The following TNC variants were observed in gnomAD, a reference collection of about 807,000 sequenced individuals.
The protein encoded by TNC is tenascin.
TNC carries 109 observed loss-of-function variants against 202.4 expected under a neutral mutation model. The ratio of observed to expected loss-of-function variants is 0.54; its 90% CI spans 0.46 to 0.63. The LOEUF is 0.63. TNC is among the 30% of genes least tolerant of loss of function. The pLI is 0.00. For missense variants in TNC, 2,756 were observed against 2,833.3 expected, an observed-to-expected ratio of 0.97 and a Z score of 0.62; for synonymous variants, 1,007 against 1,089.7, an observed-to-expected ratio of 0.92 and a Z score of 1.50.
chr9:115,045,529 G>T (rs1472241644), intron 17 of TNC, among the ~76,000 whole-genome samples: 2 of 149,924 alleles, frequency 1.3e-5, no homozygotes, highest in Admixed American at 1.3e-4. Flanking sequence ...ACCACACCTG[G>T]CTAAGTTTTT....
rs761928891 is a variant in TNC at position 115,059,827 on chromosome 9, G to A, written c.4209C>T (p.Asp1403=). 2.5e-6 allele frequency: 4 copies of A among 1,614,116 alleles called. No individual in the cohort carries two copies. The Admixed American group carries it at 5.0e-5, about 20-fold the overall frequency. ...GCGTGGCAGCCTCGAGGCCCGGGATGTCCACAGCCCTGAGGCTGCCAGGCA... is the reference window on the plus strand; with the variant it reads ...GCGTGGCAGCCTCGAGGCCCGGGATATCCACAGCCCTGAGGCTGCCAGGCA... The part of the protein sequence containing the change: ...LTLPGSLRAV[D]IPGLEAATPY... Residue 1403 remains aspartate, a synonymous_variant, in exon 14 of 28, where the codon GAC becomes GAT. Coordinates refer to ENST00000350763, the MANE Select transcript of TNC (RefSeq NM_002160.4).
At chr9:115,043,066 A>C (rs989312847) in intron 17 of TNC, among the ~76,000 whole-genome samples, 5 of 152,144 alleles carry the variant, frequency 3.3e-5, no homozygotes, top group African/African-American at 4.8e-5. Context: ...TCTGCCTCCC[A>C]AAATACCTCC....
chr9:115,066,423 T>C (rs1832956584), intron 10 of TNC, among the ~76,000 whole-genome samples: 1 of 152,256 alleles, frequency 6.6e-6, no homozygotes, highest in Admixed American at 6.5e-5. Flanking sequence ...AAATGAGCCT[T>C]ATGTGTCCAT....
chr9:115,027,119 A>AAGG (rs543474801), intron 25 of TNC, among the ~76,000 whole-genome samples: 2 of 142,478 alleles, frequency 1.4e-5, no homozygotes, highest in African/African-American at 5.3e-5. Context: ...AGAAAGCAAA[A>AAGG]AAAAAAAAAA....
At chr9:115,031,811 T>C in intron 22 of TNC, 126 bp from the exon 23 acceptor site, 1 of 1,181,594 alleles carries the variant, frequency 8.5e-7, no homozygotes, top group Middle Eastern at 2.4e-4. Flanking sequence ...AAGAATTCAT[T>C]GAGTACCCAC....
chr9:115,055,009 A>G (rs546828032), intron 15 of TNC, among the ~76,000 whole-genome samples: 2 of 152,196 alleles, frequency 1.3e-5, no homozygotes, highest in Non-Finnish European at 2.9e-5. Flanking sequence ...CAGCATGCTC[A>G]GGGCACCTTT....
Position 115,064,040 on chromosome 9 carries a change from C to G in TNC, c.3516G>C (p.Val1172=), listed in dbSNP as rs1341031505. ...TGETPNLGEV[V]VAEVGWDALK... ...GGGCATCCCAGCCCACCTCGGCCAC[C>G]ACGACCTCTCCCAAATTGGGAGTTT... The change falls in exon 12 of 28, where the codon GTG becomes GTC. Residue 1172 remains valine (V), a synonymous_variant. Coordinates refer to ENST00000350763, the MANE Select transcript of TNC (RefSeq NM_002160.4). The G allele has an allele frequency of 6.2e-7, 1 of 1,609,946 alleles. No homozygotes were observed. Among genetic ancestry groups the G allele is most frequent in the Non-Finnish European group, 8.5e-7 (1 of 1,177,506 alleles).
At chr9:115,052,725 C>G in intron 15 of TNC, 1 of 697,036 alleles carries the variant, frequency 1.4e-6, no homozygotes, top group South Asian at 1.5e-5. Context: ...CAAGTGAGAA[C>G]CTCTGATTGA....
chr9:115,030,747 ACT>A (rs1829884232), intron 23 of TNC, among the ~76,000 whole-genome samples: 1 of 152,202 alleles, frequency 6.6e-6, no homozygotes, highest in Admixed American at 6.5e-5. Context: ...AAGGGGAAGC[ACT>A]TTCTTCAGCA....
At chr9:115,036,322 C>T (rs1304556523) in intron 20 of TNC, 81 bp from the exon 21 acceptor site, 3 of 1,475,636 alleles carry the variant, frequency 2.0e-6, no homozygotes, top group Admixed American at 3.8e-5. Flanking sequence ...ACATACACAC[C>T]TCCTTCGAAC....
intron 10 of TNC, among the ~76,000 whole-genome samples, chr9:115,071,296 G>A (rs902447034): frequency 6.6e-6 from 1 of 152,188 alleles, no homozygotes; most frequent in Non-Finnish European, 1.5e-5. Context: ...CAGTGGAGAA[G>A]AACCAATAAA....
chr9:115,076,312 A>C (rs1833847693), intron 8 of TNC, 78 bp downstream of exon 8: 6 of 1,525,420 alleles, frequency 3.9e-6, no homozygotes, highest in Non-Finnish European at 3.6e-6. Flanking sequence ...GCAAATGGGG[A>C]CATGTGGGAG....
At chr9:115,053,155 C>G in intron 15 of TNC, 1 of 596,752 alleles carries the variant, frequency 1.7e-6, no homozygotes. Context: ...TAGGCTGTGT[C>G]TACACCTGCA....
intron 12 of TNC, among the ~76,000 whole-genome samples, chr9:115,063,548 C>G (rs1045881124): frequency 3.3e-5 from 5 of 152,072 alleles, no homozygotes; most frequent in African/African-American, 1.2e-4. Flanking sequence ...GTGACTGAAA[C>G]TTACTTTGAA....
intron 10 of TNC, among the ~76,000 whole-genome samples, chr9:115,072,375 C>G (rs1035071581): frequency 2.1e-4 from 32 of 152,214 alleles, no homozygotes; most frequent in Admixed American, 1.3e-4. Flanking sequence ...TTTGAAACTA[C>G]TAAGTTATCC....
intron 27 of TNC, 143 bp downstream of exon 27, chr9:115,023,830 A>T: frequency 2.1e-6 from 2 of 970,808 alleles, no homozygotes; most frequent in Non-Finnish European, 3.1e-6. Flanking sequence ...GAGATTGCTC[A>T]CTGCCTTGGG....
intron 1 of TNC, among the ~76,000 whole-genome samples, chr9:115,091,884 C>G (rs1403142736): frequency 6.6e-6 from 1 of 152,226 alleles, no homozygotes; most frequent in Non-Finnish European, 1.5e-5. Flanking sequence ...TTTAGAAGAG[C>G]CTGACAGAAT....
intron 1 of TNC, among the ~76,000 whole-genome samples, chr9:115,104,342 C>T (rs1054786806): frequency 2.0e-5 from 3 of 152,146 alleles, no homozygotes; most frequent in African/African-American, 7.2e-5. Context: ...TACAACACAA[C>T]CCTAAATAAG....
intron 25 of TNC, among the ~76,000 whole-genome samples, chr9:115,027,361 G>A (rs1332599472): frequency 2.0e-5 from 3 of 152,088 alleles, no homozygotes; most frequent in African/African-American, 7.2e-5. Context: ...AGGCCAAGGT[G>A]GGCGGATCAT....
Sources: allele counts gnomAD v4.1 joint callset (sites outside exome capture counted in the v4.1 genomes callset), GRCh38; gene constraint gnomAD v4.1.1; transcripts MANE v1.5; gene names NCBI Gene and HGNC (gene_info 2026-07-23, HGNC 2026-07-21).